The following TMEM182 variants were observed in gnomAD, a reference collection of about 807,000 sequenced individuals.
TMEM182 encodes the protein transmembrane protein 182.
TMEM182 carries 20 observed loss-of-function variants against 26.8 expected under a neutral mutation model. The observed-to-expected ratio is 0.75, with a 90% confidence interval of 0.53 to 1.09. TMEM182 has a LOEUF of 1.09. Ranked by LOEUF, TMEM182 falls within the 50% of genes least tolerant of loss-of-function variation. The pLI, the probability that TMEM182 is intolerant of heterozygous loss-of-function variation, is 0.00. For synonymous variants in TMEM182, 109 were observed against 102.2 expected, an observed-to-expected ratio of 1.07 and a Z score of -0.40; for missense variants, 277 against 275.5, an observed-to-expected ratio of 1.01 and a Z score of -0.04.
chr2:102,814,197 A>G (rs751399226), intron 4 of TMEM182, among the ~76,000 whole-genome samples: 8 of 152,056 alleles, frequency 5.3e-5, no homozygotes, highest in Non-Finnish European at 1.0e-4. Flanking sequence ...TTCTATTTGT[A>G]TAACCATATT....
intron 3 of TMEM182, among the ~76,000 whole-genome samples, chr2:102,832,467 C>T (rs377721573): frequency 2.6e-5 from 4 of 152,254 alleles, no homozygotes; most frequent in African/African-American, 7.2e-5. Context: ...TCTTAAAGAA[C>T]GAAGATACTG....
chr2:102,777,909 A>T (rs1680991068), intron 3 of TMEM182, among the ~76,000 whole-genome samples: 2 of 151,798 alleles, frequency 1.3e-5, no homozygotes, highest in South Asian at 4.1e-4. Flanking sequence ...AATGGTTGAG[A>T]TTTGTTTTAC....
intron 3 of TMEM182, among the ~76,000 whole-genome samples, chr2:102,780,790 T>C (rs1681135707): frequency 6.6e-6 from 1 of 152,200 alleles, no homozygotes; most frequent in Non-Finnish European, 1.5e-5. Context: ...TTTTTGCTTG[T>C]AGCGGTGGGA....
At chr2:102,788,083 A>C (rs191494182) in intron 3 of TMEM182, among the ~76,000 whole-genome samples, 1 of 152,286 alleles carries the variant, frequency 6.6e-6, no homozygotes, top group Admixed American at 6.5e-5. Flanking sequence ...TTGAGAGACA[A>C]GGGTGGCGGT....
chr2:102,792,060 A>G (rs1250613893), intron 3 of TMEM182, among the ~76,000 whole-genome samples: 1 of 151,332 alleles, frequency 6.6e-6, no homozygotes, highest in African/African-American at 2.4e-5. Flanking sequence ...ACACACACAC[A>G]CACACACACA....
intron 4 of TMEM182, among the ~76,000 whole-genome samples, chr2:102,798,949 T>C (rs1437130663): frequency 6.6e-6 from 1 of 152,262 alleles, no homozygotes; most frequent in Non-Finnish European, 1.5e-5. Context: ...ATTTAATTTC[T>C]GCTAAAATGA....
intron 1 of TMEM182, among the ~76,000 whole-genome samples, chr2:102,738,475 G>A (rs1460197495): frequency 2.0e-5 from 3 of 152,052 alleles, no homozygotes; most frequent in Non-Finnish European, 4.4e-5. Context: ...CGCGCCTGTA[G>A]TCCCAGCTAC....
intron 3 of TMEM182, among the ~76,000 whole-genome samples, chr2:102,831,496 C>G (rs1683147708): frequency 6.6e-6 from 1 of 152,158 alleles, no homozygotes; most frequent in Non-Finnish European, 1.5e-5. Context: ...GTGGTTCATG[C>G]CTGTAATCCC....
chr2:102,753,349 T>C (rs976287209), intron 1 of TMEM182, among the ~76,000 whole-genome samples: 1 of 152,144 alleles, frequency 6.6e-6, no homozygotes, highest in African/African-American at 2.4e-5. Context: ...TATAGGTGAC[T>C]CTCAATTTAA....
chr2:102,764,094 T>G (rs28420146), intron 2 of TMEM182, among the ~76,000 whole-genome samples: 5,961 of 152,248 alleles, frequency 0.039, 379 homozygotes, highest in African/African-American at 0.13. Context: ...TTTATTCCAT[T>G]GAATTATGTC....
intron 4 of TMEM182, among the ~76,000 whole-genome samples, chr2:102,811,418 T>G (rs1208246772): frequency 6.6e-6 from 1 of 152,246 alleles, no homozygotes; most frequent in African/African-American, 2.4e-5. Flanking sequence ...GGTTACTATT[T>G]TCTCCGTCAA....
chr2:102,767,674 C>A (rs1310556128), intron 3 of TMEM182, among the ~76,000 whole-genome samples: 1 of 152,084 alleles, frequency 6.6e-6, no homozygotes, highest in Non-Finnish European at 1.5e-5. Context: ...CTGGTAATTA[C>A]TAGATGCTTA....
intron 4 of TMEM182, among the ~76,000 whole-genome samples, chr2:102,813,875 G>A (rs1479799557): frequency 6.6e-6 from 1 of 151,918 alleles, no homozygotes; most frequent in Non-Finnish European, 1.5e-5. Context: ...TAGTGGTTAG[G>A]CATTTGTTAT....
At chr2:102,821,707 C>T (rs1682918880), downstream of TMEM182, among the ~76,000 whole-genome samples, 1 of 152,154 alleles carries the variant, frequency 6.6e-6, no homozygotes, top group Non-Finnish European at 1.5e-5. Flanking sequence ...TCAAAAGTTA[C>T]CTTCTCAGGA....
chr2:102,787,235 C>A (rs976777806), intron 3 of TMEM182, among the ~76,000 whole-genome samples: 1 of 152,142 alleles, frequency 6.6e-6, no homozygotes, highest in Non-Finnish European at 1.5e-5. Context: ...CACAGCCTGG[C>A]GGCTTAAACA....
intron 4 of TMEM182, among the ~76,000 whole-genome samples, chr2:102,799,786 G>A (rs755228735): frequency 6.6e-6 from 1 of 152,192 alleles, no homozygotes; most frequent in Non-Finnish European, 1.5e-5. Flanking sequence ...TGGAGGGAGA[G>A]TTAGAGTAAT....
At chr2:102,823,236 T>A (rs1682960842) in intron 3 of TMEM182, among the ~76,000 whole-genome samples, 2 of 152,240 alleles carry the variant, frequency 1.3e-5, no homozygotes. Flanking sequence ...ATTTCTTATG[T>A]ATTTCTGATG....
intron 3 of TMEM182, among the ~76,000 whole-genome samples, chr2:102,833,863 C>A (rs1433247673): frequency 6.6e-6 from 1 of 152,176 alleles, no homozygotes; most frequent in Non-Finnish European, 1.5e-5. Flanking sequence ...CCACCAGAGG[C>A]CATGTGCCCT....
intron 4 of TMEM182, among the ~76,000 whole-genome samples, chr2:102,801,233 T>C (rs1682115750): frequency 6.6e-6 from 1 of 152,128 alleles, no homozygotes; most frequent in Non-Finnish European, 1.5e-5. Context: ...ATTTCCTTTG[T>C]GGCACTGTTG....
Sources: gnomAD v4.1 joint callset for allele counts (sites outside exome capture counted in the v4.1 genomes callset) on GRCh38, gnomAD v4.1.1 for gene constraint, MANE v1.5 for transcripts, NCBI Gene and HGNC (gene_info 2026-07-23, HGNC 2026-07-21) for gene names.